Variants in TSC22D2 observed in about 807,000 individuals in gnomAD.
The protein encoded by TSC22D2 is TSC22 domain family member 2.
Under a neutral mutation model 50.1 loss-of-function variants are expected in TSC22D2, and 5 were observed. That is an observed-to-expected ratio of 0.10 (90% CI 0.05 to 0.21). The LOEUF (loss-of-function observed/expected upper bound fraction) is 0.21, where lower values mean the gene tolerates loss of function less well. TSC22D2 is among the 10% of genes least tolerant of loss of function. The pLI is 1.00. For missense variants in TSC22D2, 1,003 were observed against 1,015.5 expected, an observed-to-expected ratio of 0.99 and a Z score of 0.17; for synonymous variants, 501 against 450.1, an observed-to-expected ratio of 1.11 and a Z score of -1.43.
chr3:150,442,032 T>C (rs1246575556), intron 1 of TSC22D2, among the ~76,000 whole-genome samples: 1 of 152,216 alleles, frequency 6.6e-6, no homozygotes, highest in Non-Finnish European at 1.5e-5. Flanking sequence ...CCTCATTCAG[T>C]GTACTATCCT....
Position 150,411,126 on chromosome 3 carries a change from C to T in TSC22D2, c.1776C>T (p.Asp592=), listed in dbSNP as rs780758641. 5.6e-6 allele frequency: 9 copies of T among 1,614,130 alleles called. No individual in the cohort carries two copies. Among genetic ancestry groups the T allele is most frequent in the Non-Finnish European group, 6.8e-6 (8 of 1,180,040 alleles). ...CCCAGCCTTTAGTCGGGCAAGTCGACGATACTAGAAGAAAATCAGAACCCC... is the reference window on the plus strand; with the variant it reads ...CCCAGCCTTTAGTCGGGCAAGTCGATGATACTAGAAGAAAATCAGAACCCC... ...TQTQPLVGQV[D]DTRRKSEPLP... Residue 592 remains aspartate (D), a synonymous_variant, in exon 1 of 3, where the codon GAC becomes GAT. Transcript: ENST00000688009.
chr3:150,426,362 C>T (rs116793040), intron 1 of TSC22D2, among the ~76,000 whole-genome samples: 2,275 of 152,262 alleles, frequency 0.015, 59 homozygotes, highest in African/African-American at 0.052. Context: ...AAAGTTAATA[C>T]TTGGCATTGC....
intron 1 of TSC22D2, among the ~76,000 whole-genome samples, chr3:150,430,378 A>G (rs1720340169): frequency 6.6e-6 from 1 of 152,170 alleles, no homozygotes; most frequent in South Asian, 2.1e-4. Flanking sequence ...GATTCTAGAA[A>G]GGTACTGAAG....
At chr3:150,432,117 A>G (rs1320713525) in intron 1 of TSC22D2, among the ~76,000 whole-genome samples, 3 of 152,154 alleles carry the variant, frequency 2.0e-5, no homozygotes, top group African/African-American at 4.8e-5. Context: ...TAGCTTTTCT[A>G]TGGCTAGCTG....
chr3:150,446,585 AT>A (rs1720897342), intron 1 of TSC22D2, among the ~76,000 whole-genome samples: 1 of 152,224 alleles, frequency 6.6e-6, no homozygotes, highest in South Asian at 2.1e-4. Flanking sequence ...ACATTCATTG[AT>A]TTATTAAAAA....
chr3:150,451,058 G>A (rs1047189192), intron 1 of TSC22D2, among the ~76,000 whole-genome samples: 1 of 152,046 alleles, frequency 6.6e-6, no homozygotes, highest in South Asian at 2.1e-4. Context: ...GTTTTAGTTG[G>A]TTTGGGCAAG....
chr3:150,418,897 C>T (rs1262079701), intron 1 of TSC22D2, among the ~76,000 whole-genome samples: 1 of 152,016 alleles, frequency 6.6e-6, no homozygotes. Context: ...GGAATACCTT[C>T]AGAGCGCTGA....
At chr3:150,413,357 C>T (rs1349144583) in intron 1 of TSC22D2, among the ~76,000 whole-genome samples, 1 of 152,128 alleles carries the variant, frequency 6.6e-6, no homozygotes, top group Non-Finnish European at 1.5e-5. Flanking sequence ...CATGACACTT[C>T]CCTCCCTTGC....
At chr3:150,458,334 A>C in intron 2 of TSC22D2, 42 bp from the exon 3 acceptor site, 1 of 1,585,732 alleles carries the variant, frequency 6.3e-7, no homozygotes, top group Non-Finnish European at 8.6e-7. Context: ...CACCACCTTT[A>C]TCTTTTCACT....
intron 1 of TSC22D2, among the ~76,000 whole-genome samples, chr3:150,430,367 A>T (rs1211700901): frequency 2.0e-5 from 3 of 152,138 alleles, no homozygotes; most frequent in African/African-American, 7.2e-5. Flanking sequence ...TTAGAGACAG[A>T]GATTCTAGAA....
chr3:150,451,910 T>C (rs1013605622), intron 1 of TSC22D2, among the ~76,000 whole-genome samples: 1 of 152,186 alleles, frequency 6.6e-6, no homozygotes, highest in Non-Finnish European at 1.5e-5. Flanking sequence ...GATCTGGCTC[T>C]GTCACCCAGG....
At chr3:150,449,697 A>G (rs1017984256) in intron 1 of TSC22D2, among the ~76,000 whole-genome samples, 6 of 152,130 alleles carry the variant, frequency 3.9e-5, no homozygotes, top group African/African-American at 1.4e-4. Flanking sequence ...ATTATTTGCT[A>G]TGTATATAAA....
chr3:150,456,152 T>C (rs186356912), intron 1 of TSC22D2, among the ~76,000 whole-genome samples: 60 of 151,976 alleles, frequency 3.9e-4, no homozygotes, highest in African/African-American at 1.2e-3. Context: ...CAAATACATG[T>C]AGGTCTGCCA....
intron 2 of TSC22D2, among the ~76,000 whole-genome samples, chr3:150,457,561 T>TGG (rs1229038922): frequency 2.0e-5 from 3 of 152,136 alleles, no homozygotes; most frequent in African/African-American, 7.2e-5. Context: ...TGAGCTGAGG[T>TGG]GGGAGGATCA....
At chr3:150,448,876 G>GTGTA (rs761190525) in intron 1 of TSC22D2, among the ~76,000 whole-genome samples, 15 of 146,934 alleles carry the variant, frequency 1.0e-4, no homozygotes, top group East Asian at 2.0e-4. Context: ...TTTTAATCTT[G>GTGTA]TATATATATA....
chr3:150,439,137 A>G (rs1005438260), intron 1 of TSC22D2, among the ~76,000 whole-genome samples: 2 of 152,164 alleles, frequency 1.3e-5, no homozygotes, highest in African/African-American at 4.8e-5. Flanking sequence ...CCAAGGTGAT[A>G]TAATTGTAGA....
chr3:150,423,129 A>G (rs767398990), intron 1 of TSC22D2: 1 of 1,603,688 alleles, frequency 6.2e-7, no homozygotes, highest in Non-Finnish European at 8.5e-7. Context: ...AGGTATGAAT[A>G]CTTACATATG....
chr3:150,458,670 A>G lies in TSC22D2; in HGVS notation c.*34A>G, dbSNP rs780947244. 5 of 1,608,840 alleles carry G rather than the reference A, an allele frequency of 3.1e-6. No individual in the cohort carries two copies. Among genetic ancestry groups the G allele is most frequent in the Non-Finnish European group, 4.2e-6 (5 of 1,177,552 alleles). On this transcript the variant is annotated 3_prime_UTR_variant, in exon 3 of 3. Transcript: ENST00000688009. ...TAAGCCTCATTAAGAAAAAAACTGA[A>G]AGCAATCTATCCTTGTGTGCCACTG... is the stretch of plus-strand genomic sequence containing the variant.
At chr3:150,425,716 A>T (rs149655457) in intron 1 of TSC22D2, among the ~76,000 whole-genome samples, 14 of 152,320 alleles carry the variant, frequency 9.2e-5, no homozygotes, top group African/African-American at 3.4e-4. Context: ...TACCCTAAAT[A>T]GCTGAATATC....
Sources: allele counts gnomAD v4.1 joint callset (sites outside exome capture counted in the v4.1 genomes callset), GRCh38; gene constraint gnomAD v4.1.1; transcripts MANE v1.5; gene names NCBI Gene and HGNC (gene_info 2026-07-23, HGNC 2026-07-21).